Variants in PHTF1 observed in about 807,000 individuals in gnomAD.
PHTF1 encodes the protein putative homeodomain transcription factor 1, also known as protein PHTF1.
Under a neutral mutation model 102.4 loss-of-function variants are expected in PHTF1, and 88 were observed. The observed-to-expected ratio is 0.86, with a 90% CI of 0.72 to 1.03. PHTF1 has a LOEUF of 1.03. Ranked by LOEUF, PHTF1 falls within the 50% of genes least tolerant of loss-of-function variation. PHTF1 has a pLI of 0.00. For missense variants in PHTF1, 814 were observed against 909.5 expected (o/e 0.89, Z 1.35); for synonymous variants, 289 against 305.2 (o/e 0.95, Z 0.55).
rs144172678 is a variant in PHTF1, at chr1:113,713,351, T to G, written c.711A>C (p.Gln237His). Residue 237 changes from glutamine (Q) to histidine (H), a missense_variant, in exon 8 of 19, where the codon CAA becomes CAC. Physicochemically the swap from Gln to His is conservative, Grantham distance 24. Coordinates refer to ENST00000369604, the MANE Select transcript of PHTF1 (RefSeq NM_001323043.2). ...SCVHPIIKRRQCRPEIRMWQT... is the reference protein window; with the variant it reads ...SCVHPIIKRRHCRPEIRMWQT... ...GCCACATTCTAATCTCTGGTCGACA[T>G]TGTCTCCTCTTAATGATAGGATGGA... 1 of 1,611,546 alleles carries G rather than the reference T, an allele frequency of 6.2e-7. No homozygotes were observed.
At chr1:113,729,039 A>C (rs550733024) in intron 5 of PHTF1, among the ~76,000 whole-genome samples, 112 of 152,356 alleles carry the variant, frequency 7.4e-4, no homozygotes, top group African/African-American at 2.5e-3. Flanking sequence ...CAGCAGATGA[A>C]CGGATAAAGA....
At chr1:113,743,618 A>G (rs1451854267) in intron 3 of PHTF1, among the ~76,000 whole-genome samples, 2 of 152,202 alleles carry the variant, frequency 1.3e-5, no homozygotes, top group African/African-American at 4.8e-5. Context: ...TATGACTGAC[A>G]GTGCATTTGG....
chr1:113,742,676 G>A (rs1656586876), intron 3 of PHTF1, among the ~76,000 whole-genome samples: 1 of 152,122 alleles, frequency 6.6e-6, no homozygotes, highest in African/African-American at 2.4e-5. Context: ...CACTTATCAT[G>A]AATAGTGCTC....
At chr1:113,750,488 G>C (rs1657889951) in intron 3 of PHTF1, among the ~76,000 whole-genome samples, 1 of 151,942 alleles carries the variant, frequency 6.6e-6, no homozygotes, top group Middle Eastern at 3.2e-3. Context: ...ACACAAAAAA[G>C]AAAAGATAAT....
chr1:113,713,321 T>C lies in PHTF1; in HGVS notation c.741A>G (p.Thr247=), dbSNP rs772329502. ...QCRPEIRMWQ[T]REKAKFSDGE... ...CATCTGAAAATTTTGCTTTCTCTCT[T>C]GTTTGCCACATTCTAATCTCTGGTC... The change falls in exon 8 of 19, where the codon ACA becomes ACG. Residue 247 remains threonine, a synonymous_variant. Coordinates refer to ENST00000369604, the MANE Select transcript of PHTF1 (RefSeq NM_001323043.2). 6.2e-7 allele frequency: 1 copy of C among 1,613,750 alleles called. No individual in the cohort carries two copies. Among genetic ancestry groups the C allele is most frequent in the East Asian group, 2.2e-5 (1 of 44,834 alleles).
At chr1:113,713,073 C>T (rs1226854835) in intron 8 of PHTF1, among the ~76,000 whole-genome samples, 2 of 152,122 alleles carry the variant, frequency 1.3e-5, no homozygotes, top group East Asian at 1.9e-4. Context: ...TTACAGAACT[C>T]GCAAAATTAA....
At chr1:113,720,811 G>T (rs1015975913) in intron 7 of PHTF1, among the ~76,000 whole-genome samples, 4 of 152,210 alleles carry the variant, frequency 2.6e-5, no homozygotes, top group Admixed American at 2.6e-4. Flanking sequence ...CCTAGCAAAG[G>T]TTCACCATGA....
At chr1:113,718,147 G>A (rs866652431) in intron 7 of PHTF1, among the ~76,000 whole-genome samples, 7 of 152,102 alleles carry the variant, frequency 4.6e-5, no homozygotes, top group South Asian at 2.1e-4. Flanking sequence ...AAATACACAC[G>A]TTCAAAATGG....
chr1:113,745,721 C>A (rs753644590), intron 3 of PHTF1, among the ~76,000 whole-genome samples: 8 of 152,166 alleles, frequency 5.3e-5, no homozygotes, highest in Non-Finnish European at 1.0e-4. Flanking sequence ...TTCGAGGGAT[C>A]TAGGTTGCAT....
chr1:113,713,959 C>T (rs1282241966), intron 7 of PHTF1: 1 of 153,216 alleles, frequency 6.5e-6, no homozygotes, highest in African/African-American at 2.4e-5. Context: ...AACAAGGGAC[C>T]AGAGTCCTGA....
At chr1:113,756,196 C>A (rs1658852925) in intron 3 of PHTF1, among the ~76,000 whole-genome samples, 1 of 152,070 alleles carries the variant, frequency 6.6e-6, no homozygotes, top group Admixed American at 6.5e-5. Context: ...ACCATACTTA[C>A]TATCAGTGAT....
intron 11 of PHTF1, 131 bp downstream of exon 11, chr1:113,710,123 C>T (rs1047448874): frequency 1.5e-6 from 1 of 685,232 alleles, no homozygotes; most frequent in Non-Finnish European, 2.5e-6. Context: ...TCAGTTTCCT[C>T]ACCTCTAAAC....
intron 3 of PHTF1, among the ~76,000 whole-genome samples, chr1:113,753,209 C>T (rs762738291): frequency 1.3e-5 from 2 of 152,090 alleles, no homozygotes; most frequent in Admixed American, 6.5e-5. Flanking sequence ...ACATTCATAA[C>T]GAATGTTCTT....
At position 113,751,059 on chromosome 1, in the gene PHTF1, C is replaced by A. The variant is rs370394863; in HGVS notation, c.102+6640G>T. ...GGAGAACTGCTTAAGCCCAGGAGTT[C>A]AAGACCAGCCTAGGCAATGTGGTGA... On this transcript the variant is annotated intron_variant, in intron 3 of 18. Transcript: ENST00000369604. Among the ~76,000 whole-genome samples, 7 of 152,150 alleles carry A rather than the reference C, an allele frequency of 4.6e-5. 1 individual carries two copies. The South Asian group carries it at 1.5e-3, about 32-fold the overall frequency.
intron 7 of PHTF1, among the ~76,000 whole-genome samples, chr1:113,715,648 C>CAAAA (rs60517410): frequency 4.4e-4 from 11 of 24,980 alleles, no homozygotes; most frequent in East Asian, 3.6e-3. Context: ...AACCCTGTCT[C>CAAAA]AAAAAAAAAA....
In PHTF1 at chr1:113,738,178, C is replaced by A. The variant is rs370580693; in HGVS notation, c.263G>T (p.Ser88Ile). 2.0e-5 allele frequency: 33 copies of A among 1,612,786 alleles called. No homozygotes were observed. The African/African-American group carries it at 3.3e-4, about 16-fold the overall frequency. The change falls in exon 5 of 19, where the codon AGC (serine) becomes ATC (isoleucine). Residue 88 changes from serine (S) to isoleucine (I), a missense_variant. By Grantham distance (142) the Ser-to-Ile change is moderately radical. Transcript: ENST00000369604. ...LVRVVFFPLF[S>I]NWWIQVTSLR... is the part of the protein sequence containing the mutation. ...AGAGGTAACCTGAATCCACCAATTGCTGAACAATGGAAAAAATACAACTCG... is the reference window on the plus strand; with the variant it reads ...AGAGGTAACCTGAATCCACCAATTGATGAACAATGGAAAAAATACAACTCG...
chr1:113,711,950 A>C lies in PHTF1; in HGVS notation c.947T>G (p.Leu316Arg), dbSNP rs755845340. Residue 316 changes from leucine (L) to arginine (R), a missense_variant, in exon 9 of 19, where the codon CTA becomes CGA. By Grantham distance (102) the Leu-to-Arg change is moderately radical. Coordinates refer to ENST00000369604, the MANE Select transcript of PHTF1 (RefSeq NM_001323043.2). ...KNRKSILSRHLNSQVKKTTTR... is the reference protein window; with the variant it reads ...KNRKSILSRHRNSQVKKTTTR... ...TAAAATAGAAATTACCTGAGAGTTTAGGTGCCTTGAAAGTATTGATTTTCT... is the reference window on the plus strand; with the variant it reads ...TAAAATAGAAATTACCTGAGAGTTTCGGTGCCTTGAAAGTATTGATTTTCT... The C allele has an allele frequency of 6.2e-6, 10 of 1,613,506 alleles. No individual in the cohort carries two copies. Among genetic ancestry groups the C allele is most frequent in the Non-Finnish European group, 8.5e-6 (10 of 1,179,518 alleles).
chr1:113,712,140 C>G (rs958996913), intron 8 of PHTF1, 27 bp from the exon 9 acceptor site: 14 of 1,590,122 alleles, frequency 8.8e-6, no homozygotes, highest in Non-Finnish European at 1.2e-5. Flanking sequence ...AATACCTTCA[C>G]AGGGGACAGC....
In PHTF1 at chr1:113,706,126, G is replaced by A; in HGVS notation, c.1435C>T (p.Leu479=). The change falls in exon 13 of 19, where the codon CTG becomes TTG. Residue 479 remains leucine, a synonymous_variant. Transcript: ENST00000369604. ...AATCCAATAGTGACAACATTTCCCAGCATCTGATAACCTACTCCTTGCTGA... is the reference window on the plus strand; with the variant it reads ...AATCCAATAGTGACAACATTTCCCAACATCTGATAACCTACTCCTTGCTGA... ...AYQQGVGYQM[L]GNVVTIGLAF... is the part of the protein sequence containing the mutation. The A allele has an allele frequency of 3.1e-6, 5 of 1,613,678 alleles. No individual in the cohort carries two copies. The highest frequency in any genetic ancestry group is 2.2e-5 in the East Asian group (1 of 44,874).
Sources: gnomAD v4.1 joint callset for allele counts (sites outside exome capture counted in the v4.1 genomes callset) on GRCh38, gnomAD v4.1.1 for gene constraint, MANE v1.5 for transcripts, NCBI Gene and HGNC (gene_info 2026-07-23, HGNC 2026-07-21) for gene names.